The following CHD5 variants were observed in gnomAD, a reference collection of about 807,000 sequenced individuals.
CHD5 encodes ATP-dependent chromatin remodeler CHD5.
Under a neutral mutation model 230.3 loss-of-function variants are expected in CHD5, and 69 were observed. The ratio of observed to expected loss-of-function variants is 0.30; its 90% confidence interval spans 0.25 to 0.37. The LOEUF is 0.37. Ranked by LOEUF, CHD5 falls within the 10% of genes least tolerant of loss-of-function variation. The pLI is 1.00. For synonymous variants in CHD5, 1,064 were observed against 1,065.9 expected, an observed-to-expected ratio of 1.00 and a Z score of 0.03; for missense variants, 1,827 against 2,622.8, an observed-to-expected ratio of 0.70 and a Z score of 6.63.
Position 6,128,457 on chromosome 1 carries a change from T to C in CHD5, c.3730+42A>G. 1 of 1,496,746 alleles carries C rather than the reference T, an allele frequency of 6.7e-7. No individual in the cohort carries two copies. Among genetic ancestry groups the C allele is most frequent in the Non-Finnish European group, 9.3e-7 (1 of 1,076,034 alleles). The allele number at this position is 1,496,746 out of a possible 1,614,324, so 92.7% of individuals were successfully genotyped here. A position where few individuals can be genotyped will look rare whatever the true frequency, so the allele number is the denominator to read the frequency against. ...CCCCTCCTCTGCAGGAGCAGCCACC[T>C]GGTCGGAGGAGGAGCTGAGGCTGGG... On this transcript the variant is annotated intron_variant, in intron 24 of 41. Transcript: ENST00000262450. The surrounding 1 kb of genome is among the most constrained non-coding windows in gnomAD (Gnocchi z 7.8).
At position 6,149,029 on chromosome 1, in the gene CHD5, T is replaced by A; in HGVS notation, c.1208A>T (p.Glu403Val). The part of the protein sequence containing the change: ...QWEPKDDDDE[E>V]EEGGCEEEED... ...CTCCTCCTCGCAGCCGCCCTCCTCC[T>A]CTTCATCGTCGTCGTCCTTCGGCTC... Residue 403 changes from glutamate (E) to valine (V), a missense_variant, in exon 9 of 42, where the codon GAG (glutamate) becomes GTG (valine). Glu to Val is a moderately radical substitution (Grantham distance 121, BLOSUM62 -2). Transcript: ENST00000262450. The A allele has an allele frequency of 1.3e-6, 2 of 1,595,846 alleles. No individual in the cohort carries two copies. The highest frequency in any genetic ancestry group is 1.7e-6 in the Non-Finnish European group (2 of 1,171,784).
At chr1:6,109,760 G>C (rs762787147) in intron 38 of CHD5, 35 bp downstream of exon 38, 1 of 1,571,896 alleles carries the variant, frequency 6.4e-7, no homozygotes, top group Admixed American at 1.7e-5. Context: ...GAGGAAGGGC[G>C]GGGGGCTGCA....
At chr1:6,140,896 G>A (rs1666816405) in intron 15 of CHD5, among the ~76,000 whole-genome samples, 1 of 151,750 alleles carries the variant, frequency 6.6e-6, no homozygotes, top group African/African-American at 2.4e-5. Flanking sequence ...GCTCCCGGGA[G>A]GTCAAGGCTG....
At position 6,103,336 on chromosome 1, in the gene CHD5, G is replaced by A. The variant is rs1487836145; in HGVS notation, c.*2138C>T. On this transcript the variant is annotated 3_prime_UTR_variant, in exon 42 of 42. Coordinates refer to ENST00000262450, the MANE Select transcript of CHD5 (RefSeq NM_015557.3). Reference sequence around the variant, plus strand: ...ACCAGGCAGAGGAGAAGGGAGCCCTGGCGAGGCCTGGGAGGGAAGCAGAGA... The same window carrying A: ...ACCAGGCAGAGGAGAAGGGAGCCCTAGCGAGGCCTGGGAGGGAAGCAGAGA... 6.5e-6 allele frequency: 1 copy of A among 152,770 alleles called. No homozygotes were observed. Among genetic ancestry groups the A allele is most frequent in the Non-Finnish European group, 1.5e-5 (1 of 68,394 alleles). 9.5% of individuals were successfully genotyped at this position (152,770 alleles called of 1,614,324 possible).
chr1:6,140,130 C>T (rs1240963902), intron 15 of CHD5, among the ~76,000 whole-genome samples: 2 of 152,252 alleles, frequency 1.3e-5, no homozygotes, highest in African/African-American at 2.4e-5. Context: ...AGGCCAGGTG[C>T]GGTGGCTCAA....
chr1:6,178,380 G>A lies in CHD5; in HGVS notation c.79+1565C>T, dbSNP rs543029189. ...AAGACAGCCAGGGGACTCCACCAGC[G>A]GGTCGGTGCAACCCCAGAAATGCCA... On this transcript the variant is annotated intron_variant, in intron 1 of 41. Coordinates refer to ENST00000262450, the MANE Select transcript of CHD5 (RefSeq NM_015557.3). 2.2e-4 allele frequency among the ~76,000 whole-genome samples: 34 copies of A among 152,230 alleles called. No individual in the cohort carries two copies. The East Asian group carries it at 3.9e-3, about 17-fold the overall frequency.
intron 1 of CHD5, among the ~76,000 whole-genome samples, chr1:6,170,239 C>T (rs12138755): frequency 0.24 from 36,987 of 152,004 alleles, 7,511 homozygotes; most frequent in African/African-American, 0.56. Context: ...CACATGCAGA[C>T]GCACAGACAT....
At chr1:6,107,641 G>A (rs1171114256) in intron 38 of CHD5, among the ~76,000 whole-genome samples, 3 of 113,340 alleles carry the variant, frequency 2.6e-5, no homozygotes, top group African/African-American at 3.2e-5. Flanking sequence ...ATGATGGAGG[G>A]ATGAAGGGAT....
chr1:6,178,808 A>T (rs745987261), intron 1 of CHD5, among the ~76,000 whole-genome samples: 2 of 152,116 alleles, frequency 1.3e-5, no homozygotes, highest in Non-Finnish European at 2.9e-5. Flanking sequence ...CCTCCCCAGA[A>T]GACGCTGGCT....
intron 20 of CHD5, among the ~76,000 whole-genome samples, chr1:6,133,078 T>A (rs1203922996): frequency 6.6e-6 from 1 of 152,086 alleles, no homozygotes; most frequent in Non-Finnish European, 1.5e-5. Context: ...TTATTTGGAT[T>A]CTATTTATTG....
intron 7 of CHD5, among the ~76,000 whole-genome samples, chr1:6,150,094 G>A (rs1249431888): frequency 5.3e-5 from 8 of 150,304 alleles, no homozygotes; most frequent in African/African-American, 1.7e-4. Flanking sequence ...ACAAATGGAT[G>A]GATAGATGGA....
At position 6,142,020 on chromosome 1, in the gene CHD5, C is replaced by A; in HGVS notation, c.2436+108G>T. The A allele has an allele frequency of 1.0e-6, 1 of 974,806 alleles. No individual in the cohort carries two copies. Among genetic ancestry groups the A allele is most frequent in the Non-Finnish European group, 1.6e-6 (1 of 626,650 alleles). The allele number at this position is 974,806 out of a possible 1,614,324, so 60.4% of individuals were successfully genotyped here. A position where few individuals can be genotyped will look rare whatever the true frequency, so the allele number is the denominator to read the frequency against. On this transcript the variant is annotated intron_variant, in intron 15 of 41. Transcript: ENST00000262450. This position sits in a 1 kb window ranked among gnomAD's most constrained non-coding sequence, Gnocchi z 5.2. ...CAAGCCCCTCAGAGCCTGCCGGCCT[C>A]GGTAGCCCTCCCAGGCTGAGGGACC...
Position 6,134,485 on chromosome 1 carries a change from A to C in CHD5, c.3013-226T>G, listed in dbSNP as rs552763161. 2.0e-5 allele frequency among the ~76,000 whole-genome samples: 3 copies of C among 152,294 alleles called. No individual in the cohort carries two copies. Among genetic ancestry groups the C allele is most frequent in the African/African-American group, 7.2e-5 (3 of 41,578 alleles). ...CCCCCCGTTCCCAGGCAGGGCTCAC[A>C]GCCGCACCAGCCCTACCACAGCAGC... On this transcript the variant is annotated intron_variant, in intron 19 of 41. Coordinates refer to ENST00000262450, the MANE Select transcript of CHD5 (RefSeq NM_015557.3). This position sits in a 1 kb window ranked among gnomAD's most constrained non-coding sequence, Gnocchi z 6.3.
At chr1:6,174,881 A>G (rs1411097608) in intron 1 of CHD5, among the ~76,000 whole-genome samples, 1 of 142,500 alleles carries the variant, frequency 7.0e-6, no homozygotes, top group Non-Finnish European at 1.5e-5. Flanking sequence ...AGATGAATGG[A>G]TAGATGGATG....
At position 6,144,057 on chromosome 1, in the gene CHD5, T is replaced by C; in HGVS notation, c.1901A>G (p.Tyr634Cys). The C allele has an allele frequency of 6.2e-7, 1 of 1,614,094 alleles. No individual in the cohort carries two copies. The highest frequency in any genetic ancestry group is 8.5e-7 in the Non-Finnish European group (1 of 1,180,008). ...WEIDDIDIPYYDNLKQAYWGH... is the reference protein window; with the variant it reads ...WEIDDIDIPYCDNLKQAYWGH... ...CCAGTAGGCCTGCTTGAGGTTGTCGTAGTAGGGGATGTCGATGTCATCGAT... is the reference window on the plus strand; with the variant it reads ...CCAGTAGGCCTGCTTGAGGTTGTCGCAGTAGGGGATGTCGATGTCATCGAT... Residue 634 changes from tyrosine to cysteine, a missense_variant, in exon 12 of 42, where the codon TAC (tyrosine) becomes TGC (cysteine). Coordinates refer to ENST00000262450, the MANE Select transcript of CHD5 (RefSeq NM_015557.3).
Position 6,167,975 on chromosome 1 carries a change from G to C in CHD5, c.207+175C>G, listed in dbSNP as rs955486725. On this transcript the variant is annotated intron_variant, in intron 2 of 41. Coordinates refer to ENST00000262450, the MANE Select transcript of CHD5 (RefSeq NM_015557.3). This position sits in a 1 kb window ranked among gnomAD's most constrained non-coding sequence, Gnocchi z 4.5. ...GACAGCTCAGCAACGTCTTAAAAAG[G>C]CTTCCGTGCACAACGCTTCATACGA... 1.3e-5 allele frequency among the ~76,000 whole-genome samples: 2 copies of C among 152,146 alleles called. No homozygotes were observed. The highest frequency in any genetic ancestry group is 2.9e-5 in the Non-Finnish European group (2 of 68,030).
intron 1 of CHD5, among the ~76,000 whole-genome samples, chr1:6,176,738 A>G (rs942864719): frequency 3.3e-5 from 5 of 152,142 alleles, no homozygotes; most frequent in African/African-American, 9.7e-5. Context: ...ATAACCCTCT[A>G]TGAGGTAGCC....
chr1:6,168,248 C>T lies in CHD5; in HGVS notation c.109G>A (p.Asp37Asn), dbSNP rs778192266. 16 of 1,609,228 alleles carry T rather than the reference C, an allele frequency of 9.9e-6. No homozygotes were observed. Among genetic ancestry groups the T allele is most frequent in the East Asian group, 2.2e-5 (1 of 44,752 alleles). Residue 37 changes from aspartate (D) to asparagine (N), a missense_variant, in exon 2 of 42, where the codon GAT (aspartate) becomes AAT (asparagine). By Grantham distance (23) the Asp-to-Asn change is conservative. Transcript: ENST00000262450. ...ACGGGCTCCACAGGGAAAAAGTCAT[C>T]GAAGGCTTCAAGACCACCATCTTCT... is the stretch of plus-strand genomic sequence containing the variant. ...EEEDGGLEAF[D>N]DFFPVEPVSL...
Position 6,121,206 on chromosome 1 carries a change from C to T in CHD5, c.4811G>A (p.Ser1604Asn). 1 of 1,614,006 alleles carries T rather than the reference C, an allele frequency of 6.2e-7. No homozygotes were observed. Among genetic ancestry groups the T allele is most frequent in the Non-Finnish European group, 8.5e-7 (1 of 1,179,946 alleles). Residue 1604 changes from serine (S) to asparagine (N), a missense_variant, in exon 33 of 42, where the codon AGT becomes AAT. By Grantham distance (46) the Ser-to-Asn change is conservative. This residue lies in a region of CHD5 where 272 missense variants were observed against 263.2 expected (regional missense o/e 1.03). Transcript: ENST00000262450. This position sits in a 1 kb window ranked among gnomAD's most constrained non-coding sequence, Gnocchi z 4.5. ...ALPAALDRVE[S>N]EDKHESPASK... ...GGCTGGGCTCTCGTGCTTGTCCTCA[C>T]TCTCCACTCTATCCAAGGCGGCTGG...
Sources: allele counts gnomAD v4.1 joint callset (sites outside exome capture counted in the v4.1 genomes callset), GRCh38; gene constraint gnomAD v4.1.1; regional missense constraint gnomAD v4.1.1; non-coding constraint Gnocchi (gnomAD v3.1); transcripts MANE v1.5; gene names NCBI Gene and HGNC (gene_info 2026-07-23, HGNC 2026-07-21).